The following FANCI variants were observed in gnomAD, a reference collection of about 807,000 sequenced individuals.
FANCI encodes FA complementation group I.
A neutral mutation model predicts 176.1 loss-of-function variants in FANCI; 156 were observed. The observed-to-expected ratio is 0.89, with a 90% CI of 0.78 to 1.01. FANCI has a LOEUF of 1.01. FANCI is among the 50% of genes least tolerant of loss of function. The pLI is 0.00. For missense variants in FANCI, 1,678 were observed against 1,534.1 expected, an observed-to-expected ratio of 1.09 and a Z score of -1.57; for synonymous variants, 613 against 541.7, an observed-to-expected ratio of 1.13 and a Z score of -1.83.
intron 4 of FANCI, 34 bp from the exon 5 acceptor site, chr15:89,261,551 T>C: frequency 6.2e-7 from 1 of 1,613,388 alleles, no homozygotes. Flanking sequence ...ATTGGATTTC[T>C]GCTTGAGATT....
chr15:89,293,005 C>G lies in FANCI; in HGVS notation c.2233C>G (p.Leu745Val), dbSNP rs1412226523. ...CATAAAAAATAATATCTGTGCTTTT[C>G]TTGTGATGGGAGTTTGTGAGGTTTT... ...IGIKNNICAF[L>V]VMGVCEVLIE... Residue 745 changes from leucine (L) to valine (V), a missense_variant, in exon 22 of 38, where the codon CTT becomes GTT. Transcript: ENST00000310775. 1.2e-6 allele frequency: 2 copies of G among 1,613,982 alleles called. No individual in the cohort carries two copies. The highest frequency in any genetic ancestry group is 1.7e-6 in the Non-Finnish European group (2 of 1,179,914).
intron 6 of FANCI, among the ~76,000 whole-genome samples, chr15:89,263,185 A>G (rs2052788103): frequency 1.3e-5 from 2 of 152,246 alleles, no homozygotes; most frequent in Non-Finnish European, 2.9e-5. Flanking sequence ...GTATGTGAAT[A>G]GAGTTTGTTT....
In FANCI at chr15:89,291,757, A is replaced by C. The variant is rs757075960; in HGVS notation, c.1992+43A>C. 14 of 1,511,422 alleles carry C rather than the reference A, an allele frequency of 9.3e-6. 1 individual carries two copies. The South Asian group carries it at 1.3e-4, about 15-fold the overall frequency. The allele number at this position is 1,511,422 out of a possible 1,614,324, so 93.6% of individuals were successfully genotyped here. On this transcript the variant is annotated intron_variant, in intron 20 of 37. Transcript: ENST00000310775. ...CCTTCAACCATTATTTTTAGTATTA[A>C]GGATAGGGTTGAACTTTGCAAAGAG...
At chr15:89,278,641 G>C in intron 13 of FANCI, 46 bp from the exon 14 acceptor site, 1 of 1,476,672 alleles carries the variant, frequency 6.8e-7, no homozygotes, top group Non-Finnish European at 9.5e-7. Context: ...ATACTTAAAA[G>C]CTGAAGGGTC....
chr15:89,294,271 G>T (rs922422694), intron 23 of FANCI, among the ~76,000 whole-genome samples: 9 of 152,122 alleles, frequency 5.9e-5, no homozygotes, highest in Admixed American at 1.3e-4. Flanking sequence ...TAAGTAGCTT[G>T]TACAAGATAA....
At chr15:89,297,166 G>A (rs567018098) in intron 24 of FANCI, among the ~76,000 whole-genome samples, 150 of 134,914 alleles carry the variant, frequency 1.1e-3, no homozygotes, top group Middle Eastern at 3.6e-3. Flanking sequence ...CAGACGGGGC[G>A]GCCGGGCAGA....
At position 89,290,279 on chromosome 15, in the gene FANCI, C is replaced by G. The variant is rs996218325; in HGVS notation, c.1888C>G (p.Gln630Glu). Reference protein sequence around the residue: ...ANSVMQTLLSQLKQFYEPKPD... With the variant: ...ANSVMQTLLSELKQFYEPKPD... ...TTCAGTCATGCAAACTCTGCTCTCA[C>G]AGGTAAAATACATTTTTATGGATAT... The change falls in exon 19 of 38, where the codon CAG (glutamine) becomes GAG (glutamate). Residue 630 changes from glutamine to glutamate, a missense_variant and splice_region_variant. This residue lies in a region of FANCI where 1,204 missense variants were observed against 1,077.4 expected (regional missense o/e 1.12). Transcript: ENST00000310775. 5 of 1,611,412 alleles carry G rather than the reference C, an allele frequency of 3.1e-6. No homozygotes were observed. The African/African-American group carries it at 5.3e-5, about 17-fold the overall frequency.
chr15:89,299,404 C>T (rs2054444493), intron 24 of FANCI, among the ~76,000 whole-genome samples: 2 of 152,086 alleles, frequency 1.3e-5, no homozygotes, highest in South Asian at 4.1e-4. Flanking sequence ...TTAATGAGGT[C>T]AGCATTACCC....
chr15:89,301,478 C>A, intron 27 of FANCI, 36 bp downstream of exon 27: 1 of 1,345,316 alleles, frequency 7.4e-7, no homozygotes, highest in South Asian at 1.2e-5. Flanking sequence ...ATTTAGCATT[C>A]CTCAGAAGGC....
intron 24 of FANCI, among the ~76,000 whole-genome samples, chr15:89,295,396 C>T (rs899350208): frequency 2.0e-5 from 3 of 148,616 alleles, no homozygotes; most frequent in African/African-American, 7.4e-5. Context: ...CCAGACATGG[C>T]AGCTCATGCC....
Position 89,301,383 on chromosome 15 carries a change from C to T in FANCI, c.2947C>T (p.Leu983Phe), listed in dbSNP as rs1464709687. The change falls in exon 27 of 38, where the codon CTC becomes TTC. Residue 983 changes from leucine to phenylalanine, a missense_variant. By Grantham distance (22) the Leu-to-Phe change is conservative. Transcript: ENST00000310775. ...GGAAGATTTTAATAGCAAAGAAGCC[C>T]TCCTGCTAGTCACGGTTCTTACCAG... ...QEEDFNSKEA[L>F]LLVTVLTSLS... The T allele has an allele frequency of 6.2e-7, 1 of 1,614,122 alleles. No homozygotes were observed. The highest frequency in any genetic ancestry group is 1.1e-5 in the South Asian group (1 of 91,082).
rs996499764 is a variant in FANCI at position 89,306,048 on chromosome 15, G to C, written c.3391G>C (p.Glu1131Gln). Residue 1131 changes from glutamate (E) to glutamine (Q), a missense_variant, in exon 32 of 38, where the codon GAG becomes CAG. By Grantham distance (29) the Glu-to-Gln change is conservative. Around this residue, in one of 3 missense-constraint regions of FANCI, gnomAD observed 1,204 missense variants for 1,077.4 expected, o/e 1.12. Coordinates refer to ENST00000310775, the MANE Select transcript of FANCI (RefSeq NM_001113378.2). ...SQATLPNQPVEKAIIMQLGTL... is the reference protein window; with the variant it reads ...SQATLPNQPVQKAIIMQLGTL... ...GGCAACCCTACCAAATCAGCCTGTT[G>C]AGAAAGCTATCATCATGCAACTGGG... The C allele has an allele frequency of 6.2e-7, 1 of 1,614,150 alleles. No individual in the cohort carries two copies.
intron 9 of FANCI, among the ~76,000 whole-genome samples, 173 bp from the exon 10 acceptor site, chr15:89,268,226 C>T (rs533186242): frequency 1.3e-5 from 2 of 152,274 alleles, no homozygotes; most frequent in East Asian, 3.9e-4. Flanking sequence ...TCCCAAGTAG[C>T]TGGGACTATA....
chr15:89,263,950 C>T lies in FANCI; in HGVS notation c.593C>T (p.Ala198Val). The stretch of plus-strand genomic sequence containing the variant: ...GAGGTGGAATTTGTGGTGGAAAAAG[C>T]ATTGAGCATGTTCTCCAAGATGAAT... ...AEEVEFVVEK[A>V]LSMFSKMNLQ... The change falls in exon 8 of 38, where the codon GCA (alanine) becomes GTA (valine). Residue 198 changes from alanine (A) to valine (V), a missense_variant. Coordinates refer to ENST00000310775, the MANE Select transcript of FANCI (RefSeq NM_001113378.2). The T allele has an allele frequency of 6.2e-7, 1 of 1,614,066 alleles. No homozygotes were observed. The highest frequency in any genetic ancestry group is 8.5e-7 in the Non-Finnish European group (1 of 1,179,924).
At position 89,268,480 on chromosome 15, in the gene FANCI, C is replaced by T. The variant is rs2053064958; in HGVS notation, c.837C>T (p.Ile279=). Residue 279 remains isoleucine, a synonymous_variant, in exon 10 of 38, where the codon ATC becomes ATT. Transcript: ENST00000310775. ...TTATTCTACACATTGTGTTTGCCATCAAATTGGACTATGAACTAGGCAGAG... is the reference window on the plus strand; with the variant it reads ...TTATTCTACACATTGTGTTTGCCATTAAATTGGACTATGAACTAGGCAGAG... ...GTIILHIVFA[I]KLDYELGREL... is the part of the protein sequence containing the mutation. 3 of 1,614,020 alleles carry T rather than the reference C, an allele frequency of 1.9e-6. No individual in the cohort carries two copies. The highest frequency in any genetic ancestry group is 2.5e-6 in the Non-Finnish European group (3 of 1,180,030).
intron 9 of FANCI, among the ~76,000 whole-genome samples, chr15:89,266,715 C>G (rs1213128797): frequency 1.3e-5 from 2 of 152,186 alleles, no homozygotes; most frequent in African/African-American, 4.8e-5. Context: ...TTCAGGCGAT[C>G]TCCTGCCTCA....
chr15:89,253,798 GGA>G (rs2052375797), intron 2 of FANCI, among the ~76,000 whole-genome samples: 3 of 122,162 alleles, frequency 2.5e-5, no homozygotes, highest in Non-Finnish European at 3.3e-5. Context: ...GGGGGGGGGG[GGA>G]AGATAAACTG....
intron 20 of FANCI, among the ~76,000 whole-genome samples, chr15:89,292,430 C>T (rs1219132074): frequency 6.6e-6 from 1 of 152,194 alleles, no homozygotes; most frequent in East Asian, 1.9e-4. Context: ...GGTTATTTAT[C>T]AGACCAGAGA....
intron 1 of FANCI, among the ~76,000 whole-genome samples, chr15:89,245,041 C>G (rs2051884687): frequency 6.6e-6 from 1 of 152,120 alleles, no homozygotes; most frequent in African/African-American, 2.4e-5. Flanking sequence ...TGGGAGATAA[C>G]ATTTGTTAAT....
Sources: gnomAD v4.1 joint callset for allele counts (sites outside exome capture counted in the v4.1 genomes callset) on GRCh38, gnomAD v4.1.1 for gene constraint, gnomAD v4.1.1 regional missense constraint, MANE v1.5 for transcripts, NCBI Gene and HGNC (gene_info 2026-07-23, HGNC 2026-07-21) for gene names.